The following PLEKHA8 variants were observed in gnomAD, a reference collection of about 807,000 sequenced individuals.
The protein encoded by PLEKHA8 is pleckstrin homology domain containing A8, also known as pleckstrin homology domain-containing family A member 8.
A neutral mutation model predicts 68.2 loss-of-function variants in PLEKHA8; 36 were observed. The ratio of observed to expected loss-of-function variants is 0.53; its 90% confidence interval spans 0.40 to 0.70. The LOEUF is 0.70. Among genes scored for constraint, PLEKHA8 ranks in the 30% least tolerant of loss-of-function variants. The pLI is 0.00. For synonymous variants in PLEKHA8, 211 were observed against 216.1 expected (o/e 0.98, Z 0.20); for missense variants, 505 against 615.4 (o/e 0.82, Z 1.90).
At chr7:30,098,317 G>A (rs896883876) in intron 13 of PLEKHA8, among the ~76,000 whole-genome samples, 1 of 152,228 alleles carries the variant, frequency 6.6e-6, no homozygotes, top group Non-Finnish European at 1.5e-5. Context: ...CAGATCTCCA[G>A]CTGCGTGCTG....
chr7:30,106,811 T>C (rs1796075773), intron 13 of PLEKHA8, among the ~76,000 whole-genome samples: 1 of 152,218 alleles, frequency 6.6e-6, no homozygotes, highest in African/African-American at 2.4e-5. Flanking sequence ...GGTATTGTAT[T>C]GGGCATTATA....
rs889993401 is a variant in PLEKHA8 at position 30,082,698 on chromosome 7, AT to A, written c.*3916del. On this transcript the variant is annotated 3_prime_UTR_variant, in exon 14 of 14. Coordinates refer to ENST00000449726, the MANE Select transcript of PLEKHA8 (RefSeq NM_001197026.2). Reference sequence around the variant, plus strand: ...GATAGGGACCAAATAAGTAAAGTACATTTTTCTCCACTAAATTTGAAGTGAG... The same window carrying A: ...GATAGGGACCAAATAAGTAAAGTACATTTTCTCCACTAAATTTGAAGTGAG... 8.1e-6 allele frequency: 8 copies of A among 985,056 alleles called. No individual in the cohort carries two copies. In the African/African-American group the frequency reaches 1.4e-4, roughly 17 times the overall value. 61.0% of individuals were successfully genotyped at this position (985,056 alleles called of 1,614,324 possible).
intron 1 of PLEKHA8, among the ~76,000 whole-genome samples, chr7:30,044,855 T>A (rs905782976): frequency 6.6e-6 from 1 of 152,266 alleles, no homozygotes; most frequent in African/African-American, 2.4e-5. Flanking sequence ...TCCAGACTTC[T>A]GTAATCCTGT....
At chr7:30,105,180 G>A (rs986237931) in intron 13 of PLEKHA8, among the ~76,000 whole-genome samples, 2 of 151,912 alleles carry the variant, frequency 1.3e-5, no homozygotes, top group African/African-American at 4.8e-5. Flanking sequence ...AGAAAAACAT[G>A]TTCTCAGGGG....
chr7:30,057,624 A>T (rs117001988), intron 9 of PLEKHA8, among the ~76,000 whole-genome samples: 8 of 151,558 alleles, frequency 5.3e-5, no homozygotes, highest in Non-Finnish European at 1.0e-4. Flanking sequence ...TGCCTGGCCA[A>T]TTTTTTTTGT....
At chr7:30,063,185 C>T (rs1793573764) in intron 12 of PLEKHA8, among the ~76,000 whole-genome samples, 1 of 152,156 alleles carries the variant, frequency 6.6e-6, no homozygotes, top group Non-Finnish European at 1.5e-5. Context: ...CGTGTAACTC[C>T]TCAAATATAT....
In PLEKHA8 at chr7:30,082,423, GT is replaced by G. The variant is rs1186696204; in HGVS notation, c.*3637del. On this transcript the variant is annotated 3_prime_UTR_variant, in exon 14 of 14. Coordinates refer to ENST00000449726, the MANE Select transcript of PLEKHA8 (RefSeq NM_001197026.2). ...TAGCCCAGGGCTGCGTGCCTGATCAGTGGGGATTCTGTTCCCCCACCCCCCA... is the reference window on the plus strand; with the variant it reads ...TAGCCCAGGGCTGCGTGCCTGATCAGGGGGATTCTGTTCCCCCACCCCCCA... The G allele has an allele frequency of 3.0e-6, 3 of 985,268 alleles. No individual in the cohort carries two copies. The highest frequency in any genetic ancestry group is 3.6e-6 in the Non-Finnish European group (3 of 829,952). The allele number at this position is 985,268 out of a possible 1,614,324, so 61.0% of individuals were successfully genotyped here. A position where few individuals can be genotyped will look rare whatever the true frequency, so the allele number is the denominator to read the frequency against.
intron 12 of PLEKHA8, among the ~76,000 whole-genome samples, chr7:30,070,181 C>T (rs1432498980): frequency 6.6e-6 from 1 of 151,618 alleles, no homozygotes; most frequent in Non-Finnish European, 1.5e-5. Flanking sequence ...TAAATTGCAG[C>T]AATGATCTCA....
intron 13 of PLEKHA8, chr7:30,118,049 A>C (rs1796624026): frequency 1.3e-6 from 2 of 1,502,794 alleles, no homozygotes; most frequent in Non-Finnish European, 1.8e-6. Context: ...GCAGGACATG[A>C]TGACCCAGCA....
At chr7:30,115,641 C>A (rs116473773) in intron 13 of PLEKHA8, among the ~76,000 whole-genome samples, 3 of 151,616 alleles carry the variant, frequency 2.0e-5, no homozygotes, top group Non-Finnish European at 4.4e-5. Context: ...CACATACATG[C>A]ACACATGTAC....
intron 2 of PLEKHA8, among the ~76,000 whole-genome samples, 166 bp from the exon 3 acceptor site, chr7:30,046,044 T>G (rs868667662): frequency 1.3e-5 from 2 of 152,228 alleles, no homozygotes; most frequent in Non-Finnish European, 2.9e-5. Context: ...TAAGATGAGA[T>G]AAGTAAACAG....
chr7:30,129,136 T>C lies in PLEKHA8; in HGVS notation c.1363-130T>C, dbSNP rs1583496193. 3 of 1,304,962 alleles carry C rather than the reference T, an allele frequency of 2.3e-6. No homozygotes were observed. The East Asian group carries it at 6.9e-5, about 30-fold the overall frequency. The allele number at this position is 1,304,962 out of a possible 1,614,324, so 80.8% of individuals were successfully genotyped here. A position where few individuals can be genotyped will look rare whatever the true frequency, so the allele number is the denominator to read the frequency against. ...TCCTTAGCAATAAGATTCTGGAAAATATACCTTGCTGAAAAACTACTGATA... is the reference window on the plus strand; with the variant it reads ...TCCTTAGCAATAAGATTCTGGAAAACATACCTTGCTGAAAAACTACTGATA... On this transcript the variant is annotated intron_variant, in intron 13 of 13. Transcript: ENST00000396257.
chr7:30,128,826 G>A (rs1562563856), intron 13 of PLEKHA8, among the ~76,000 whole-genome samples: 1 of 152,208 alleles, frequency 6.6e-6, no homozygotes, highest in East Asian at 1.9e-4. Context: ...ACTCAAGGTG[G>A]AAGACAGAAG....
chr7:30,042,289 A>G (rs756301672), intron 1 of PLEKHA8, among the ~76,000 whole-genome samples: 1 of 152,158 alleles, frequency 6.6e-6, no homozygotes, highest in African/African-American at 2.4e-5. Flanking sequence ...ATTTCATTAC[A>G]TGCACACATA....
chr7:30,116,180 A>G (rs1486376313), intron 13 of PLEKHA8, among the ~76,000 whole-genome samples: 1 of 151,234 alleles, frequency 6.6e-6, no homozygotes, highest in Non-Finnish European at 1.5e-5. Flanking sequence ...ATACATATGT[A>G]TACATACGCA....
At chr7:30,098,532 C>T (rs1795720503) in intron 13 of PLEKHA8, among the ~76,000 whole-genome samples, 1 of 152,258 alleles carries the variant, frequency 6.6e-6, no homozygotes, top group South Asian at 2.1e-4. Context: ...TCGGCAATGG[C>T]AGGTGCCCGT....
At chr7:30,045,351 A>G (rs1791872541) in intron 2 of PLEKHA8, 150 bp downstream of exon 2, 6 of 577,028 alleles carry the variant, frequency 1.0e-5, no homozygotes, top group African/African-American at 1.9e-5. Flanking sequence ...AGCCTTGCAA[A>G]TACAACCCAA....
chr7:30,056,312 C>CTCTATATATA lies in PLEKHA8; in HGVS notation c.1039+971_1039+972insCTATATATAT, dbSNP rs796845171. On this transcript the variant is annotated intron_variant, in intron 9 of 13. Coordinates refer to ENST00000449726, the MANE Select transcript of PLEKHA8 (RefSeq NM_001197026.2). Reference sequence around the variant, plus strand: ...TCTCTCTCTCTCTCTCTCTCTCTCTCTATATATATATATATATATAAATAA... The same window carrying CTCTATATATA: ...TCTCTCTCTCTCTCTCTCTCTCTCTCTCTATATATATATATATATATATATATATAAATAA... Among the ~76,000 whole-genome samples the CTCTATATATA allele has an allele frequency of 6.1e-3, 573 of 94,514 alleles. 13 individuals carry two copies. The highest frequency in any genetic ancestry group is 0.032 in the East Asian group (111 of 3,500). The allele number at this position is 94,514 out of a possible 152,430, so 62.0% of individuals were successfully genotyped here. A position where few individuals can be genotyped will look rare whatever the true frequency, so the allele number is the denominator to read the frequency against.
intron 13 of PLEKHA8, among the ~76,000 whole-genome samples, chr7:30,103,394 TA>T (rs992107197): frequency 3.3e-5 from 5 of 152,226 alleles, no homozygotes; most frequent in African/African-American, 1.2e-4. Flanking sequence ...AAAGTTGTTC[TA>T]AAAAATGCCA....
Sources: gnomAD v4.1 joint callset for allele counts (sites outside exome capture counted in the v4.1 genomes callset) on GRCh38, gnomAD v4.1.1 for gene constraint, MANE v1.5 for transcripts, NCBI Gene and HGNC (gene_info 2026-07-23, HGNC 2026-07-21) for gene names.